Variants in KIF14 observed in about 807,000 individuals in gnomAD.
The protein encoded by KIF14 is kinesin-like protein KIF14.
KIF14 carries 98 observed loss-of-function variants against 176.2 expected under a neutral mutation model. That is an observed-to-expected ratio of 0.56 (90% CI 0.47 to 0.66). The LOEUF is 0.66. Ranked by LOEUF, KIF14 falls within the 30% of genes least tolerant of loss-of-function variation. The probability of loss-of-function intolerance (pLI) is 0.00; values close to 1 mark genes in which losing one functional copy is unlikely to be tolerated. For missense variants in KIF14, 1,751 were observed against 1,920.4 expected (o/e 0.91, Z 1.65); for synonymous variants, 566 against 632.2 (o/e 0.90, Z 1.57).
At chr1:200,585,255 A>G (rs1275252262) in intron 19 of KIF14, among the ~76,000 whole-genome samples, 1 of 151,248 alleles carries the variant, frequency 6.6e-6, no homozygotes, top group East Asian at 1.9e-4. Flanking sequence ...AAAAAAAAAG[A>G]ACTAGGTGAG....
intron 22 of KIF14, among the ~76,000 whole-genome samples, chr1:200,572,825 T>C (rs1431571773): frequency 6.6e-6 from 1 of 152,210 alleles, no homozygotes; most frequent in East Asian, 1.9e-4. Flanking sequence ...TTTGGGTTAC[T>C]CTAGGTTGGC....
At chr1:200,585,155 T>C (rs926231579) in intron 19 of KIF14, among the ~76,000 whole-genome samples, 1 of 151,654 alleles carries the variant, frequency 6.6e-6, no homozygotes, top group Non-Finnish European at 1.5e-5. Flanking sequence ...ACTCTGGAGG[T>C]CTAATGAACA....
chr1:200,593,097 C>G (rs1659138506), intron 15 of KIF14, among the ~76,000 whole-genome samples: 1 of 152,146 alleles, frequency 6.6e-6, no homozygotes, highest in South Asian at 2.1e-4. Context: ...AATGAGGAAA[C>G]TAAACAGCAC....
chr1:200,592,340 A>T (rs1462590917), intron 15 of KIF14, 100 bp from the exon 16 acceptor site: 15 of 871,764 alleles, frequency 1.7e-5, no homozygotes, highest in African/African-American at 3.5e-5. Context: ...GTCTAGTATT[A>T]ATGATAAACA....
At chr1:200,565,406 T>C in intron 24 of KIF14, 39 bp downstream of exon 24, 2 of 1,496,664 alleles carry the variant, frequency 1.3e-6, no homozygotes, top group East Asian at 2.3e-5. Flanking sequence ...CAGAAAATAA[T>C]CATTTATGTG....
chr1:200,577,924 G>C (rs1448717501), intron 21 of KIF14, among the ~76,000 whole-genome samples: 1 of 151,112 alleles, frequency 6.6e-6, no homozygotes, highest in East Asian at 1.9e-4. Context: ...AAGAATGTCT[G>C]AGATTAGCAC....
chr1:200,573,582 G>A (rs894971500), intron 22 of KIF14, among the ~76,000 whole-genome samples: 10 of 151,912 alleles, frequency 6.6e-5, no homozygotes, highest in Non-Finnish European at 1.3e-4. Context: ...GACTACAGGC[G>A]CCCGCCACCG....
intron 8 of KIF14, 146 bp from the exon 9 acceptor site, chr1:200,604,101 C>G (rs1018620113): frequency 8.3e-5 from 48 of 578,760 alleles, no homozygotes; most frequent in Non-Finnish European, 1.4e-4. Context: ...GGGTCTCACT[C>G]TGTTGCCCAG....
At chr1:200,606,929 C>T (rs557795370) in intron 5 of KIF14, 131 bp from the exon 6 acceptor site, 4 of 744,984 alleles carry the variant, frequency 5.4e-6, no homozygotes, top group African/African-American at 1.8e-5. Flanking sequence ...AAAAAAAAAA[C>T]CACAAAAACT....
rs745377922 is a variant in KIF14, at chr1:200,553,718, G to A, written c.4617C>T (p.Arg1539=). The part of the protein sequence containing the change: ...NLLQTCVESI[R]NLASDFYSDF... The stretch of plus-strand genomic sequence containing the variant: ...CACTGTAAAAATCACTGGCCAAGTT[G>A]CGAATACTTTCAACACAAGTCTGGA... Residue 1539 remains arginine (R), a synonymous_variant, in exon 30 of 30, where the codon CGC becomes CGT. Transcript: ENST00000367350. The A allele has an allele frequency of 6.2e-7, 1 of 1,611,346 alleles. No individual in the cohort carries two copies. The highest frequency in any genetic ancestry group is 8.5e-7 in the Non-Finnish European group (1 of 1,178,012).
rs867648627 is a variant in KIF14, at chr1:200,577,956, G to T, written c.3466-2265C>A. Among the ~76,000 whole-genome samples, 498 of 135,422 alleles carry T rather than the reference G, an allele frequency of 3.7e-3. 2 individuals carry two copies. The highest frequency in any genetic ancestry group is 0.012 in the African/African-American group (453 of 37,140). The allele number at this position is 135,422 out of a possible 152,430, so 88.8% of individuals were successfully genotyped here. On this transcript the variant is annotated intron_variant, in intron 21 of 29. Transcript: ENST00000367350. ...GCACCTTCTTTTCCTACACTTTGTT[G>T]TTTTTTTTTTTTCGAGGCCAGTTTG...
chr1:200,611,349 C>T (rs1660146167), intron 4 of KIF14, among the ~76,000 whole-genome samples: 1 of 152,134 alleles, frequency 6.6e-6, no homozygotes, highest in East Asian at 1.9e-4. Context: ...CCTGAAAAAA[C>T]TCAGAAGCTA....
chr1:200,599,707 G>C (rs1214685310), intron 13 of KIF14, among the ~76,000 whole-genome samples: 1 of 152,104 alleles, frequency 6.6e-6, no homozygotes, highest in African/African-American at 2.4e-5. Context: ...TCTCTCTCTG[G>C]ATCACAAGCT....
chr1:200,560,780 A>G lies in KIF14; in HGVS notation c.4172T>C (p.Leu1391Pro). Residue 1391 changes from leucine (L) to proline (P), a missense_variant, in exon 26 of 30, where the codon CTG becomes CCG. By Grantham distance (98) the Leu-to-Pro change is moderately conservative (BLOSUM62 -3). Coordinates refer to ENST00000367350, the MANE Select transcript of KIF14 (RefSeq NM_014875.3). Reference protein sequence around the residue: ...AVKYVGQLAVLKGSKLHFLEN... With the variant: ...AVKYVGQLAVPKGSKLHFLEN... ...TAGAAAATGTAGCTTGCTCCCTTTCAGAACTGCTAACTGCCCCACATACTT... is the reference window on the plus strand; with the variant it reads ...TAGAAAATGTAGCTTGCTCCCTTTCGGAACTGCTAACTGCCCCACATACTT... 1 of 1,614,210 alleles carries G rather than the reference A, an allele frequency of 6.2e-7. No individual in the cohort carries two copies. Among genetic ancestry groups the G allele is most frequent in the Non-Finnish European group, 8.5e-7 (1 of 1,180,034 alleles).
chr1:200,612,012 C>A (rs201315220), intron 4 of KIF14, among the ~76,000 whole-genome samples: 2 of 132,740 alleles, frequency 1.5e-5, no homozygotes, highest in African/African-American at 5.7e-5. Flanking sequence ...TTTTTTTTTT[C>A]TTTTTTTTGA....
rs773030169 is a variant in KIF14, at chr1:200,598,312, G to C, written c.2474C>G (p.Thr825Ser). Reference sequence around the variant, plus strand: ...GTTTGGTTTATACTTTCCAACTGTAGTTGTTCCTTCTTTTATCATATATAG... The same window carrying C: ...GTTTGGTTTATACTTTCCAACTGTACTTGTTCCTTCTTTTATCATATATAG... ...MLLYMIKEGT[T>S]TVGKYKPNSS... The change falls in exon 14 of 30, where the codon ACT (threonine) becomes AGT (serine). Residue 825 changes from threonine (T) to serine (S), a missense_variant. Coordinates refer to ENST00000367350, the MANE Select transcript of KIF14 (RefSeq NM_014875.3). 49 of 1,613,208 alleles carry C rather than the reference G, an allele frequency of 3.0e-5. No individual in the cohort carries two copies. The highest frequency in any genetic ancestry group is 3.6e-5 in the Non-Finnish European group (43 of 1,179,716).
chr1:200,586,021 A>G (rs1041955721), intron 19 of KIF14, 80 bp downstream of exon 19: 27 of 1,009,450 alleles, frequency 2.7e-5, no homozygotes, highest in Middle Eastern at 7.2e-4. Context: ...AAAGGCAACT[A>G]ATGCTAATAT....
At chr1:200,566,926 G>C (rs12403722) in intron 23 of KIF14, among the ~76,000 whole-genome samples, 1 of 152,016 alleles carries the variant, frequency 6.6e-6, no homozygotes, top group African/African-American at 2.4e-5. Flanking sequence ...TGTAATCCCA[G>C]CACTTTGGGA....
At chr1:200,602,238 C>T (rs1469853364) in intron 10 of KIF14, among the ~76,000 whole-genome samples, 170 bp from the exon 11 acceptor site, 1 of 152,190 alleles carries the variant, frequency 6.6e-6, no homozygotes, top group Non-Finnish European at 1.5e-5. Context: ...ATCTCATAAA[C>T]ACTTTTTCTC....
Sources: gnomAD v4.1 joint callset for allele counts (sites outside exome capture counted in the v4.1 genomes callset) on GRCh38, gnomAD v4.1.1 for gene constraint, MANE v1.5 for transcripts, NCBI Gene and HGNC (gene_info 2026-07-23, HGNC 2026-07-21) for gene names.